Variants in ENY2 observed in about 807,000 individuals in gnomAD.
ENY2 encodes the protein ENY2 transcription and export complex 2 subunit.
Under a neutral mutation model 15.9 loss-of-function variants are expected in ENY2, and 4 were observed. The ratio of observed to expected loss-of-function variants is 0.25; its 90% confidence interval spans 0.12 to 0.57. The LOEUF is 0.57. Ranked by LOEUF, ENY2 falls within the 20% of genes least tolerant of loss-of-function variation. The pLI, the probability that ENY2 is intolerant of heterozygous loss-of-function variation, is 0.91. For missense variants in ENY2, 54 were observed against 117.2 expected, an observed-to-expected ratio of 0.46 and a Z score of 2.49; for synonymous variants, 48 against 38.0, an observed-to-expected ratio of 1.26 and a Z score of -0.97.
chr8:109,337,781 C>T (rs1816021585), intron 2 of ENY2, among the ~76,000 whole-genome samples: 1 of 152,002 alleles, frequency 6.6e-6, no homozygotes, highest in Admixed American at 6.5e-5. Context: ...GGGCTGTAGT[C>T]CCAGCTACTC....
intron 3 of ENY2, 45 bp downstream of exon 3, chr8:109,339,435 T>A (rs1426218891): frequency 6.4e-7 from 1 of 1,557,488 alleles, no homozygotes; most frequent in Non-Finnish European, 8.9e-7. Flanking sequence ...ATTTTTCTGA[T>A]CAGGATTGGT....
chr8:109,336,396 G>A, intron 2 of ENY2, 192 bp downstream of exon 2: 2 of 548,772 alleles, frequency 3.6e-6, no homozygotes, highest in East Asian at 3.0e-5. Context: ...AAGTGGTGAT[G>A]TAGAAAGATG....
intron 1 of ENY2, chr8:109,334,773 A>G (rs1815920931): frequency 4.1e-6 from 2 of 487,612 alleles, no homozygotes; most frequent in Non-Finnish European, 7.2e-6. Flanking sequence ...GAATTAAGTG[A>G]CTTGTCCAAG....
intron 4 of ENY2, 91 bp from the exon 5 acceptor site, chr8:109,343,314 T>C (rs980450037): frequency 1.3e-5 from 12 of 940,356 alleles, no homozygotes; most frequent in East Asian, 2.6e-5. Context: ...GAAATTCTTA[T>C]GTTGTTTACC....
intron 2 of ENY2, chr8:109,336,418 G>T: frequency 2.0e-6 from 1 of 490,262 alleles, no homozygotes; most frequent in Non-Finnish European, 3.6e-6. Context: ...GCAAGATATG[G>T]CTCTTAAAGA....
chr8:109,339,026 G>T (rs1392467805), intron 2 of ENY2: 1 of 365,016 alleles, frequency 2.7e-6, no homozygotes, highest in Admixed American at 4.2e-5. Flanking sequence ...GGTAGAGGAC[G>T]GTGGAGAGTA....
At position 109,334,376 on chromosome 8, in the gene ENY2, T is replaced by G. The variant is rs1815902571; in HGVS notation, c.-93T>G. The G allele has an allele frequency of 3.8e-6, 6 of 1,582,308 alleles. No individual in the cohort carries two copies. The South Asian group carries it at 6.7e-5, about 18-fold the overall frequency. On this transcript the variant is annotated 5_prime_UTR_variant, in exon 1 of 5. Coordinates refer to ENST00000521688, the MANE Select transcript of ENY2 (RefSeq NM_020189.6). ...GCTTAGGTGCCCGAGCTACTGAGGG[T>G]CTAAGTCCGGGCAGCCGAAGAGTGT...
At position 109,340,511 on chromosome 8, in the gene ENY2, A is replaced by G. The variant is rs766117103; in HGVS notation, c.177A>G (p.Leu59=). ...AAGAGGTAATTAAAGAAAAAGGACTAGAACACGTTACTGTTGATGACTTGG... is the reference window on the plus strand; with the variant it reads ...AAGAGGTAATTAAAGAAAAAGGACTGGAACACGTTACTGTTGATGACTTGG... ...HCKEVIKEKG[L]EHVTVDDLVA... Residue 59 remains leucine (L), a synonymous_variant, in exon 4 of 5, where the codon CTA becomes CTG. Coordinates refer to ENST00000521688, the MANE Select transcript of ENY2 (RefSeq NM_020189.6). 3.1e-6 allele frequency: 5 copies of G among 1,613,354 alleles called. No homozygotes were observed. The highest frequency in any genetic ancestry group is 4.2e-6 in the Non-Finnish European group (5 of 1,179,508).
intron 4 of ENY2, 146 bp downstream of exon 4, chr8:109,340,709 T>G: frequency 1.1e-6 from 1 of 917,094 alleles, no homozygotes; most frequent in Non-Finnish European, 1.6e-6. Context: ...CCTACCTGCC[T>G]CCTAGCATAG....
chr8:109,339,097 A>G, intron 2 of ENY2: 2 of 558,296 alleles, frequency 3.6e-6, no homozygotes, highest in Non-Finnish European at 6.4e-6. Context: ...ACTTCATTTA[A>G]TTTCACTCAT....
chr8:109,336,787 C>T (rs763912425), intron 2 of ENY2, among the ~76,000 whole-genome samples: 45 of 152,152 alleles, frequency 3.0e-4, no homozygotes, highest in Non-Finnish European at 3.8e-4. Context: ...ACATTGTATA[C>T]CCAGCATCTA....
chr8:109,336,908 A>G (rs1815997733), intron 2 of ENY2, among the ~76,000 whole-genome samples: 1 of 152,034 alleles, frequency 6.6e-6, no homozygotes, highest in African/African-American at 2.4e-5. Context: ...GCAGGGTTAT[A>G]AAGTGAGTAA....
chr8:109,337,093 T>C (rs1816002256), intron 2 of ENY2, among the ~76,000 whole-genome samples: 1 of 151,550 alleles, frequency 6.6e-6, no homozygotes, highest in African/African-American at 2.4e-5. Flanking sequence ...AGAAAGGAAA[T>C]GACTAGATCA....
intron 2 of ENY2, among the ~76,000 whole-genome samples, chr8:109,338,000 G>A (rs1816028069): frequency 6.6e-6 from 1 of 152,128 alleles, no homozygotes; most frequent in Non-Finnish European, 1.5e-5. Flanking sequence ...GGGATGCTAG[G>A]GAGACTGAGT....
intron 3 of ENY2, 84 bp from the exon 4 acceptor site, chr8:109,340,405 A>C (rs1293422075): frequency 6.4e-7 from 1 of 1,571,816 alleles, no homozygotes; most frequent in Non-Finnish European, 8.6e-7. Context: ...CTCTAAAAAC[A>C]TGATCTTAAC....
In ENY2 at chr8:109,339,405, T is replaced by A. The variant is rs1471844584; in HGVS notation, c.154+15T>A. 2 of 1,612,060 alleles carry A rather than the reference T, an allele frequency of 1.2e-6. No individual in the cohort carries two copies. The highest frequency in any genetic ancestry group is 1.7e-6 in the Non-Finnish European group (2 of 1,178,262). ...ACACTGTAAAGGTAATCAGTTTCATTTGGAAGATAAACTAATCCCATTTTT... is the reference window on the plus strand; with the variant it reads ...ACACTGTAAAGGTAATCAGTTTCATATGGAAGATAAACTAATCCCATTTTT... On this transcript the variant is annotated intron_variant, in intron 3 of 4. Coordinates refer to ENST00000521688, the MANE Select transcript of ENY2 (RefSeq NM_020189.6).
At chr8:109,334,716 A>T in intron 1 of ENY2, 3 of 553,686 alleles carry the variant, frequency 5.4e-6, no homozygotes, top group Non-Finnish European at 9.5e-6. Context: ...ACTGGGAGGG[A>T]TACCCTAGCG....
Position 109,345,755 on chromosome 8 carries a change from AAT to A in ENY2, c.*2277_*2278del, listed in dbSNP as rs1816231365. On this transcript the variant is annotated 3_prime_UTR_variant, in exon 5 of 5. Coordinates refer to ENST00000521688, the MANE Select transcript of ENY2 (RefSeq NM_020189.6). Reference sequence around the variant, plus strand: ...TATATAAAAATGAAAACGTTATGAAAATATTTTAAAATGGGATTTAAAAATAA... The same window carrying A: ...TATATAAAAATGAAAACGTTATGAAAATTTTAAAATGGGATTTAAAAATAA... The A allele has an allele frequency of 6.6e-6, 1 of 152,202 alleles. No homozygotes were observed. Among genetic ancestry groups the A allele is most frequent in the Admixed American group, 6.5e-5 (1 of 15,276 alleles). The allele number at this position is 152,202 out of a possible 1,614,324, so 9.4% of individuals were successfully genotyped here. A position where few individuals can be genotyped will look rare whatever the true frequency, so the allele number is the denominator to read the frequency against.
At chr8:109,335,971 A>G in intron 1 of ENY2, 157 bp from the exon 2 acceptor site, 1 of 635,950 alleles carries the variant, frequency 1.6e-6, no homozygotes, top group Non-Finnish European at 2.7e-6. Flanking sequence ...CCAAGCACAT[A>G]AGTGTTTAAT....
Sources: gnomAD v4.1 joint callset for allele counts (sites outside exome capture counted in the v4.1 genomes callset) on GRCh38, gnomAD v4.1.1 for gene constraint, MANE v1.5 for transcripts, NCBI Gene and HGNC (gene_info 2026-07-23, HGNC 2026-07-21) for gene names.